The following TTBK2 variants were observed in gnomAD, a reference collection of about 807,000 sequenced individuals.
TTBK2 encodes the protein tau tubulin kinase 2.
Under a neutral mutation model 110.8 loss-of-function variants are expected in TTBK2, and 28 were observed. That is an observed-to-expected ratio of 0.25 (90% CI 0.19 to 0.35). The LOEUF is 0.35. TTBK2 is among the 10% of genes least tolerant of loss of function. The pLI is 1.00. For synonymous variants in TTBK2, 532 were observed against 527.3 expected, an observed-to-expected ratio of 1.01 and a Z score of -0.12; for missense variants, 1,369 against 1,500.3, an observed-to-expected ratio of 0.91 and a Z score of 1.45.
chr15:42,773,380 T>C (rs1051016582), intron 13 of TTBK2, among the ~76,000 whole-genome samples: 2 of 150,530 alleles, frequency 1.3e-5, no homozygotes, highest in African/African-American at 4.9e-5. Context: ...GAGGTTGCAG[T>C]GAGCCGAGAT....
At position 42,816,927 on chromosome 15, in the gene TTBK2, T is replaced by C. The variant is rs1312110317; in HGVS notation, c.603+105A>G. ...GTGCAAGACTCTGTCTCAACAAATA[T>C]ACATATATATATATATATAAAATAA... On this transcript the variant is annotated intron_variant, in intron 7 of 14. Coordinates refer to ENST00000267890, the MANE Select transcript of TTBK2 (RefSeq NM_173500.4). 6 of 577,566 alleles carry C rather than the reference T, an allele frequency of 1.0e-5. No homozygotes were observed. In the South Asian group the frequency reaches 1.9e-4, roughly 19 times the overall value. The allele number at this position is 577,566 out of a possible 1,614,324, so 35.8% of individuals were successfully genotyped here.
In TTBK2 at chr15:42,739,034, T is replaced by A. The variant is rs1472125107; in HGVS notation, c.*6761A>T. 2 of 152,216 alleles carry A rather than the reference T, an allele frequency of 1.3e-5. No homozygotes were observed. Among genetic ancestry groups the A allele is most frequent in the African/African-American group, 4.8e-5 (2 of 41,454 alleles). The allele number at this position is 152,216 out of a possible 1,614,324, so 9.4% of individuals were successfully genotyped here. On this transcript the variant is annotated 3_prime_UTR_variant, in exon 15 of 15. Coordinates refer to ENST00000267890, the MANE Select transcript of TTBK2 (RefSeq NM_173500.4). ...ATAAAAATAAAATACAAAATAATTT[T>A]AAAACAGAACTTAAAACACTGTACA...
intron 3 of TTBK2, among the ~76,000 whole-genome samples, chr15:42,856,375 CAA>C (rs1056430185): frequency 1.3e-5 from 2 of 148,496 alleles, no homozygotes; most frequent in African/African-American, 5.0e-5. Flanking sequence ...ATTCCTTCAA[CAA>C]AAAAAATGTG....
intron 13 of TTBK2, among the ~76,000 whole-genome samples, chr15:42,773,060 G>A (rs1889746343): frequency 6.6e-6 from 1 of 152,084 alleles, no homozygotes; most frequent in African/African-American, 2.4e-5. Flanking sequence ...AAAATTAGCT[G>A]GGTGTGGTGA....
In TTBK2 at chr15:42,794,934, C is replaced by T. The variant is rs376260940; in HGVS notation, c.823-133G>A. On this transcript the variant is annotated intron_variant, in intron 9 of 14. Transcript: ENST00000267890. ...CTTTAAAAACTGATGGCTCAAATTG[C>T]GAAATTTGAATAGGAACTATATGTA... The T allele has an allele frequency of 8.6e-5, 97 of 1,126,788 alleles. 1 individual carries two copies. The highest frequency in any genetic ancestry group is 7.0e-4 in the South Asian group (52 of 74,496). The allele number at this position is 1,126,788 out of a possible 1,614,324, so 69.8% of individuals were successfully genotyped here. A position where few individuals can be genotyped will look rare whatever the true frequency, so the allele number is the denominator to read the frequency against.
In TTBK2 at chr15:42,800,996, T is replaced by C. The variant is rs1891169106; in HGVS notation, c.823-6195A>G. 5.2e-6 allele frequency: 4 copies of C among 762,418 alleles called. No individual in the cohort carries two copies. The East Asian group carries it at 7.3e-5, about 14-fold the overall frequency. 47.2% of individuals were successfully genotyped at this position (762,418 alleles called of 1,614,324 possible). On this transcript the variant is annotated intron_variant, in intron 9 of 14. Transcript: ENST00000267890. ...GCAGGACGTTGGAGGACTCAGACAC[T>C]AGCTTCCCATCACGGGTTTCGATCT...
chr15:42,801,920 G>T (rs764597382), intron 9 of TTBK2: 1 of 1,579,664 alleles, frequency 6.3e-7, no homozygotes. Flanking sequence ...ATGTTGCCAA[G>T]CTCCGCCTCC....
intron 9 of TTBK2, among the ~76,000 whole-genome samples, chr15:42,796,686 C>G (rs754073807): frequency 2.0e-5 from 3 of 152,228 alleles, no homozygotes; most frequent in Non-Finnish European, 2.9e-5. Flanking sequence ...TAATTAATTT[C>G]TCTTTCAACC....
intron 3 of TTBK2, among the ~76,000 whole-genome samples, chr15:42,843,727 C>T (rs1893330982): frequency 6.8e-6 from 1 of 146,082 alleles, no homozygotes. Context: ...CCGCTGCACT[C>T]CAGCCTGGGC....
At chr15:42,896,545 G>T (rs1895675461) in intron 1 of TTBK2, among the ~76,000 whole-genome samples, 1 of 152,154 alleles carries the variant, frequency 6.6e-6, no homozygotes, top group South Asian at 2.1e-4. Context: ...CCAGCACTTT[G>T]GGAGGCTGAG....
chr15:42,872,521 C>T, intron 3 of TTBK2, 90 bp downstream of exon 3: 1 of 1,485,752 alleles, frequency 6.7e-7, no homozygotes, highest in South Asian at 1.2e-5. Flanking sequence ...TCAATTAGTA[C>T]TTAAAGAATG....
chr15:42,810,955 T>C (rs1595935955), intron 8 of TTBK2, among the ~76,000 whole-genome samples: 1 of 152,216 alleles, frequency 6.6e-6, no homozygotes, highest in South Asian at 2.1e-4. Flanking sequence ...CACAGAGTTC[T>C]GCATCAGTGT....
chr15:42,916,056 T>G (rs2031071904), intron 1 of TTBK2, among the ~76,000 whole-genome samples: 1 of 152,202 alleles, frequency 6.6e-6, no homozygotes, highest in African/African-American at 2.4e-5. Flanking sequence ...TGATCCTGTA[T>G]GACTAAATGA....
chr15:42,868,544 A>G (rs1006013360), intron 3 of TTBK2, among the ~76,000 whole-genome samples: 10 of 152,124 alleles, frequency 6.6e-5, no homozygotes, highest in African/African-American at 2.4e-4. Flanking sequence ...AAAATTAGGG[A>G]AAAAAGTAAA....
chr15:42,878,005 CA>C (rs1334025289), intron 2 of TTBK2, among the ~76,000 whole-genome samples: 1 of 144,232 alleles, frequency 6.9e-6, no homozygotes, highest in African/African-American at 2.6e-5. Flanking sequence ...TGTATACTTA[CA>C]ATTTTCCTTA....
chr15:42,918,530 A>T (rs528266556), intron 1 of TTBK2, among the ~76,000 whole-genome samples: 2 of 152,224 alleles, frequency 1.3e-5, no homozygotes, highest in Admixed American at 6.5e-5. Context: ...GCTGCCCCCC[A>T]CCAAAGTGAA....
At position 42,763,081 on chromosome 15, in the gene TTBK2, ATT is replaced by A. The variant is rs1472539817; in HGVS notation, c.1999-9836_1999-9835del. Among the ~76,000 whole-genome samples, 695 of 114,906 alleles carry A rather than the reference ATT, an allele frequency of 6.0e-3. 44 individuals are homozygous for A. The highest frequency in any genetic ancestry group is 0.027 in the African/African-American group (616 of 22,878). The allele number at this position is 114,906 out of a possible 152,430, so 75.4% of individuals were successfully genotyped here. A position where few individuals can be genotyped will look rare whatever the true frequency, so the allele number is the denominator to read the frequency against. On this transcript the variant is annotated intron_variant, in intron 13 of 14. Coordinates refer to ENST00000267890, the MANE Select transcript of TTBK2 (RefSeq NM_173500.4). ...CACTATAGGATGATTACAGTTAACA[ATT>A]TTATATATATATATATATACGTATA...
chr15:42,819,371 C>G (rs1242923337), intron 6 of TTBK2, among the ~76,000 whole-genome samples: 1 of 151,276 alleles, frequency 6.6e-6, no homozygotes, highest in Admixed American at 6.6e-5. Context: ...AAAGTCCTTA[C>G]CAGAATAATT....
At chr15:42,751,351 TA>T (rs1412081652) in intron 14 of TTBK2, among the ~76,000 whole-genome samples, 1 of 152,222 alleles carries the variant, frequency 6.6e-6, no homozygotes, top group Non-Finnish European at 1.5e-5. Context: ...TAAGCTGATA[TA>T]AATCCAAATG....
Sources: allele counts gnomAD v4.1 joint callset (sites outside exome capture counted in the v4.1 genomes callset), GRCh38; gene constraint gnomAD v4.1.1; transcripts MANE v1.5; gene names NCBI Gene and HGNC (gene_info 2026-07-23, HGNC 2026-07-21).